The following DAB1 variants were observed in gnomAD, a reference collection of about 807,000 sequenced individuals.
DAB1 encodes the protein DAB adaptor protein 1.
Under a neutral mutation model 64.6 loss-of-function variants are expected in DAB1, and 15 were observed. That is an observed-to-expected ratio of 0.23 (90% CI 0.16 to 0.36). DAB1 has a LOEUF of 0.36. DAB1 is among the 10% of genes least tolerant of loss of function. DAB1 has a pLI of 1.00. For missense variants in DAB1, 596 were observed against 706.7 expected (o/e 0.84, Z 1.78); for synonymous variants, 235 against 251.9 (o/e 0.93, Z 0.64).
chr1:57,356,140 A>C (rs906713631), intron 1 of DAB1, among the ~76,000 whole-genome samples: 2 of 152,114 alleles, frequency 1.3e-5, no homozygotes, highest in Non-Finnish European at 2.9e-5. Context: ...AGTGTTTAGC[A>C]CATAGTAGTC....
intron 2 of DAB1, among the ~76,000 whole-genome samples, chr1:57,208,558 T>G (rs1365908668): frequency 6.6e-6 from 1 of 152,218 alleles, no homozygotes; most frequent in African/African-American, 2.4e-5. Context: ...AGCATTCCAC[T>G]AAAACTATCT....
chr1:58,038,443 G>A (rs545735626), intron 5 of DAB1, among the ~76,000 whole-genome samples: 2 of 151,170 alleles, frequency 1.3e-5, no homozygotes, highest in African/African-American at 4.9e-5. Context: ...CTTGGTTCCT[G>A]TCACATAATT....
intron 3 of DAB1, among the ~76,000 whole-genome samples, chr1:58,502,999 A>T (rs1366401858): frequency 6.6e-6 from 1 of 152,106 alleles, no homozygotes; most frequent in African/African-American, 2.4e-5. Flanking sequence ...TTTTCTTCCT[A>T]CTCACTAATC....
rs987030375 is a variant in DAB1, at chr1:57,439,590, G to A, written n.626-148424C>T. Among the ~76,000 whole-genome samples the A allele has an allele frequency of 2.3e-4, 33 of 143,714 alleles. 1 individual carries two copies. Among genetic ancestry groups the A allele is most frequent in the Admixed American group, 1.6e-3 (24 of 14,650 alleles). 94.3% of individuals were successfully genotyped at this position (143,714 alleles called of 152,430 possible). On this transcript the variant is annotated intron_variant and non_coding_transcript_variant, in intron 7 of 20. Transcript: ENST00000485760. ...ACTACAGGCGCCCGCCACCGCGCCC[G>A]GCTAATTTTTTGTATTTTTAGTAGA...
chr1:56,997,306 A>T lies in DAB1; in HGVS notation c.*838T>A, dbSNP rs1334633626. 6.6e-6 allele frequency: 1 copy of T among 152,202 alleles called. No homozygotes were observed. Among genetic ancestry groups the T allele is most frequent in the Non-Finnish European group, 1.5e-5 (1 of 68,034 alleles). The allele number at this position is 152,202 out of a possible 1,614,324, so 9.4% of individuals were successfully genotyped here. A position where few individuals can be genotyped will look rare whatever the true frequency, so the allele number is the denominator to read the frequency against. On this transcript the variant is annotated 3_prime_UTR_variant, in exon 15 of 15. Coordinates refer to ENST00000371236, the MANE Select transcript of DAB1 (RefSeq NM_001365792.1). Reference sequence around the variant, plus strand: ...ATTTTTCATCTTTCTCATCAATGGGATCTGATGTCTTTTCCTACTCACAGA... The same window carrying T: ...ATTTTTCATCTTTCTCATCAATGGGTTCTGATGTCTTTTCCTACTCACAGA...
At chr1:57,963,528 A>G (rs1645578141) in intron 5 of DAB1, among the ~76,000 whole-genome samples, 1 of 152,194 alleles carries the variant, frequency 6.6e-6, no homozygotes, top group Admixed American at 6.5e-5. Context: ...CCCAGAACCT[A>G]TTACAAGCCC....
intron 5 of DAB1, among the ~76,000 whole-genome samples, chr1:58,141,134 G>A (rs1654259724): frequency 6.6e-6 from 1 of 152,184 alleles, no homozygotes; most frequent in Non-Finnish European, 1.5e-5. Flanking sequence ...GCGAGAGAGA[G>A]AGAGTTGGGG....
At chr1:58,524,919 T>C (rs1479057986) in intron 2 of DAB1, among the ~76,000 whole-genome samples, 1 of 152,198 alleles carries the variant, frequency 6.6e-6, no homozygotes, top group African/African-American at 2.4e-5. Context: ...GATTAGTGTC[T>C]TCTGGTGTTT....
At chr1:58,246,032 G>A (rs991986610) in intron 4 of DAB1, among the ~76,000 whole-genome samples, 6 of 152,016 alleles carry the variant, frequency 3.9e-5, no homozygotes, top group African/African-American at 1.4e-4. Flanking sequence ...AACACAGAAG[G>A]TATTTAGGTG....
chr1:58,127,776 GC>G (rs1653228073), intron 5 of DAB1, among the ~76,000 whole-genome samples: 1 of 151,030 alleles, frequency 6.6e-6, no homozygotes, highest in Admixed American at 6.6e-5. Context: ...TTGTAGATAT[GC>G]GGTGTTATTT....
intron 6 of DAB1, among the ~76,000 whole-genome samples, chr1:57,709,356 C>T (rs1647001191): frequency 6.6e-6 from 1 of 151,912 alleles, no homozygotes. Flanking sequence ...TTTTCTTTTC[C>T]TTTTCCATGC....
chr1:57,657,455 A>C lies in DAB1; in HGVS notation n.552-7790T>G, dbSNP rs191884820. Among the ~76,000 whole-genome samples the C allele has an allele frequency of 2.9e-3, 445 of 152,334 alleles. 1 individual carries two copies. The highest frequency in any genetic ancestry group is 3.3e-3 in the Non-Finnish European group (223 of 68,036). On this transcript the variant is annotated intron_variant and non_coding_transcript_variant, in intron 6 of 20. Transcript: ENST00000485760. The stretch of plus-strand genomic sequence containing the variant: ...CCTGAGCTTTCTTAGCTCCCATTGC[A>C]GGGTGTCACTGACCCTCCTCCTTTC...
intron 6 of DAB1, among the ~76,000 whole-genome samples, chr1:57,805,683 C>T (rs943000592): frequency 6.6e-6 from 1 of 152,138 alleles, no homozygotes; most frequent in African/African-American, 2.4e-5. Flanking sequence ...TTTGGATATC[C>T]AATAGGCATC....
At chr1:57,909,518 C>G (rs1421099966) in intron 5 of DAB1, among the ~76,000 whole-genome samples, 1 of 151,984 alleles carries the variant, frequency 6.6e-6, no homozygotes, top group African/African-American at 2.4e-5. Flanking sequence ...AAAAAGTGAA[C>G]AGAATCAACT....
At chr1:58,471,469 G>A (rs1257291630) in intron 3 of DAB1, among the ~76,000 whole-genome samples, 6 of 151,998 alleles carry the variant, frequency 3.9e-5, no homozygotes, top group Non-Finnish European at 7.4e-5. Context: ...ATGATGTCTC[G>A]GGCAGGGAAT....
At chr1:57,012,682 A>T (rs149208711) in intron 12 of DAB1, among the ~76,000 whole-genome samples, 206 of 152,370 alleles carry the variant, frequency 1.4e-3, no homozygotes, top group African/African-American at 4.6e-3. Flanking sequence ...TTGTTTCAGG[A>T]GATGACTATG....
chr1:58,063,239 A>T (rs965223787), intron 5 of DAB1, among the ~76,000 whole-genome samples: 9 of 152,224 alleles, frequency 5.9e-5, no homozygotes, highest in Non-Finnish European at 8.8e-5. Context: ...CAGTGCTGTA[A>T]ATAACAGAAT....
chr1:58,327,198 C>T (rs1020496133), intron 4 of DAB1, among the ~76,000 whole-genome samples: 4 of 152,066 alleles, frequency 2.6e-5, no homozygotes, highest in Admixed American at 6.6e-5. Context: ...TTAATTTCCA[C>T]GTTGAACTTT....
intron 6 of DAB1, among the ~76,000 whole-genome samples, chr1:57,774,280 T>C (rs771466403): frequency 9.9e-5 from 15 of 151,900 alleles, no homozygotes; most frequent in Non-Finnish European, 1.9e-4. Flanking sequence ...TATGAAAATA[T>C]AATTGTTTTT....
Sources: gnomAD v4.1 joint callset for allele counts (sites outside exome capture counted in the v4.1 genomes callset) on GRCh38, gnomAD v4.1.1 for gene constraint, MANE v1.5 for transcripts, NCBI Gene and HGNC (gene_info 2026-07-23, HGNC 2026-07-21) for gene names.